XRRA1: variants seen among roughly 807,000 people sequenced by gnomAD.
The protein encoded by XRRA1 is X-ray radiation resistance-associated protein 1.
A neutral mutation model predicts 80.2 loss-of-function variants in XRRA1; 69 were observed. That is an observed-to-expected ratio of 0.86 (90% CI 0.71 to 1.05). The LOEUF is 1.05. Among genes scored for constraint, XRRA1 ranks in the 50% least tolerant of loss-of-function variants. The pLI is 0.00. For synonymous variants in XRRA1, 348 were observed against 389.9 expected, an observed-to-expected ratio of 0.89 and a Z score of 1.27; for missense variants, 967 against 976.4, an observed-to-expected ratio of 0.99 and a Z score of 0.13.
chr11:74,940,935 G>C, intron 2 of XRRA1, 53 bp from the exon 3 acceptor site: 3 of 1,378,142 alleles, frequency 2.2e-6, no homozygotes, highest in Non-Finnish European at 3.0e-6. Context: ...AGGCACAGCA[G>C]AGCACTCTTA....
chr11:74,919,212 T>C (rs567269427), intron 8 of XRRA1, among the ~76,000 whole-genome samples: 55 of 152,294 alleles, frequency 3.6e-4, no homozygotes, highest in African/African-American at 1.2e-3. Context: ...GGAATATTTA[T>C]AGATGAAATA....
In XRRA1 at chr11:74,841,103, A is replaced by C. The variant is rs1735921603; in HGVS notation, c.*2097T>G. 6.6e-6 allele frequency: 1 copy of C among 152,156 alleles called. No homozygotes were observed. Among genetic ancestry groups the C allele is most frequent in the South Asian group, 2.1e-4 (1 of 4,828 alleles). The allele number at this position is 152,156 out of a possible 1,614,324, so 9.4% of individuals were successfully genotyped here. On this transcript the variant is annotated 3_prime_UTR_variant, in exon 19 of 19. Coordinates refer to ENST00000684022, the MANE Select transcript of XRRA1 (RefSeq NM_001378157.1). ...AAAGTGATATATTTTGATTGGAATA[A>C]TTTTAATTAAATTTAATGATTTTAA...
chr11:74,936,973 C>A lies in XRRA1; in HGVS notation c.190G>T (p.Ala64Ser). 1 of 1,613,850 alleles carries A rather than the reference C, an allele frequency of 6.2e-7. No individual in the cohort carries two copies. Among genetic ancestry groups the A allele is most frequent in the Non-Finnish European group, 8.5e-7 (1 of 1,179,852 alleles). The stretch of plus-strand genomic sequence containing the variant: ...TTCCCCTTGAACTCAAAAGAAGTCG[C>A]CTTCAGGCTTTCCCGACGTTCAGCT... ...AQAERRESLK[A>S]TSFEFKGKKE... The change falls in exon 4 of 19, where the codon GCG (alanine) becomes TCG (serine). Residue 64 changes from alanine to serine, a missense_variant. By Grantham distance (99) the Ala-to-Ser change is moderately conservative. Coordinates refer to ENST00000684022, the MANE Select transcript of XRRA1 (RefSeq NM_001378157.1).
At chr11:74,932,730 T>A (rs1328785527) in intron 5 of XRRA1, among the ~76,000 whole-genome samples, 3 of 152,232 alleles carry the variant, frequency 2.0e-5, no homozygotes, top group Non-Finnish European at 4.4e-5. Context: ...TCTGGGACCA[T>A]GTGCTGGCCT....
chr11:74,849,150 A>G (rs759882054), intron 14 of XRRA1, among the ~76,000 whole-genome samples: 38 of 152,042 alleles, frequency 2.5e-4, no homozygotes, highest in Non-Finnish European at 4.1e-4. Flanking sequence ...CCCCCTTTAC[A>G]TAGTGGATTG....
intron 10 of XRRA1, among the ~76,000 whole-genome samples, chr11:74,891,889 T>G (rs2050809707): frequency 6.6e-6 from 1 of 152,098 alleles, no homozygotes; most frequent in Non-Finnish European, 1.5e-5. Flanking sequence ...AAACCACTGC[T>G]CAATGAAATA....
chr11:74,884,091 CAG>C (rs371826908), intron 10 of XRRA1, among the ~76,000 whole-genome samples: 3 of 152,108 alleles, frequency 2.0e-5, no homozygotes, highest in East Asian at 1.9e-4. Flanking sequence ...TCCAGCTACT[CAG>C]GGGGCTGAGG....
chr11:74,874,738 T>A (rs2045679535), intron 10 of XRRA1, among the ~76,000 whole-genome samples: 3 of 152,124 alleles, frequency 2.0e-5, no homozygotes, highest in African/African-American at 7.2e-5. Context: ...TCAGCCACTT[T>A]CCTCCCCAAG....
chr11:74,868,464 C>A (rs1392197161), intron 10 of XRRA1, among the ~76,000 whole-genome samples: 2 of 152,188 alleles, frequency 1.3e-5, no homozygotes, highest in East Asian at 3.8e-4. Context: ...AAAGCAACCA[C>A]ATGAACAAGT....
Position 74,841,476 on chromosome 11 carries a change from A to C in XRRA1, c.*1724T>G, listed in dbSNP as rs548180108. ...AGTTTAGAGATCAGTCAAATTGGAA[A>C]AAGTGCCAAGACTGGATGTGCAGAT... On this transcript the variant is annotated 3_prime_UTR_variant, in exon 19 of 19. Coordinates refer to ENST00000684022, the MANE Select transcript of XRRA1 (RefSeq NM_001378157.1). 6.6e-5 allele frequency: 10 copies of C among 152,338 alleles called. No individual in the cohort carries two copies. The highest frequency in any genetic ancestry group is 2.4e-4 in the African/African-American group (10 of 41,582). 9.4% of individuals were successfully genotyped at this position (152,338 alleles called of 1,614,324 possible).
chr11:74,924,366 C>T (rs1174827425), intron 7 of XRRA1, among the ~76,000 whole-genome samples: 12 of 150,394 alleles, frequency 8.0e-5, no homozygotes, highest in Admixed American at 5.3e-4. Context: ...CCCAGCTACA[C>T]GGGAGGCTGA....
At chr11:74,880,099 C>CTCTT (rs985920456) in intron 10 of XRRA1, among the ~76,000 whole-genome samples, 48 of 152,082 alleles carry the variant, frequency 3.2e-4, no homozygotes, top group African/African-American at 1.1e-3. Context: ...TGGTCCTGGA[C>CTCTT]TCTTTTTGGT....
chr11:74,893,155 C>T (rs1038008894), intron 10 of XRRA1, among the ~76,000 whole-genome samples: 4 of 152,238 alleles, frequency 2.6e-5, no homozygotes, highest in Admixed American at 2.6e-4. Flanking sequence ...TGGAACCAAC[C>T]CAAATGTCCA....
At chr11:74,894,031 T>G (rs962635517) in intron 10 of XRRA1, among the ~76,000 whole-genome samples, 3 of 152,052 alleles carry the variant, frequency 2.0e-5, no homozygotes, top group African/African-American at 7.2e-5. Flanking sequence ...ATGAAGAAAA[T>G]GTACATATTT....
intron 10 of XRRA1, among the ~76,000 whole-genome samples, chr11:74,892,603 T>C (rs1469141642): frequency 2.0e-5 from 3 of 150,876 alleles, no homozygotes; most frequent in South Asian, 2.1e-4. Context: ...TAAACTACCA[T>C]CAGAGTGAAC....
chr11:74,906,567 C>T (rs972468755), intron 9 of XRRA1, 111 bp from the exon 10 acceptor site: 4 of 1,230,878 alleles, frequency 3.2e-6, no homozygotes, highest in Admixed American at 2.5e-5. Context: ...ACTTATTCCT[C>T]TTGTGTGACG....
rs183921413 is a variant in XRRA1, at chr11:74,848,579, G to A, written c.1381-117C>T. ...CGGAGTGCTGGGTACGGACTGAGGC[G>A]GGGGTGGAAAGGGAAATCATACTTG... On this transcript the variant is annotated intron_variant, in intron 14 of 18. Coordinates refer to ENST00000684022, the MANE Select transcript of XRRA1 (RefSeq NM_001378157.1). The A allele has an allele frequency of 7.1e-4, 627 of 884,264 alleles. 3 individuals carry two copies. In the African/African-American group the frequency reaches 9.7e-3, roughly 14 times the overall value. 54.8% of individuals were successfully genotyped at this position (884,264 alleles called of 1,614,324 possible).
intron 10 of XRRA1, among the ~76,000 whole-genome samples, chr11:74,893,549 A>G (rs12225372): frequency 0.25 from 38,587 of 151,878 alleles, 5,805 homozygotes; most frequent in East Asian, 0.53. Flanking sequence ...AACTTGAAGT[A>G]TAATAAAAAA....
intron 12 of XRRA1, among the ~76,000 whole-genome samples, chr11:74,853,544 T>C (rs76948436): frequency 2.4e-4 from 36 of 152,238 alleles, no homozygotes; most frequent in African/African-American, 7.2e-4. Flanking sequence ...TAGGATCCAG[T>C]TGAGTAGTGT....
Sources: allele counts gnomAD v4.1 joint callset (sites outside exome capture counted in the v4.1 genomes callset), GRCh38; gene constraint gnomAD v4.1.1; transcripts MANE v1.5; gene names NCBI Gene and HGNC (gene_info 2026-07-23, HGNC 2026-07-21).